Variants in TENM1 observed in about 807,000 individuals in gnomAD.
The protein encoded by TENM1 is teneurin transmembrane protein 1, also known as teneurin-1.
In TENM1, 35 loss-of-function variants were observed where a neutral mutation model predicts 174.8. The ratio of observed to expected loss-of-function variants is 0.20; its 90% CI spans 0.15 to 0.27. TENM1 has a LOEUF of 0.27. Ranked by LOEUF, TENM1 falls within the 10% of genes least tolerant of loss-of-function variation. The pLI is 1.00. For synonymous variants in TENM1, 781 were observed against 798.7 expected (o/e 0.98, Z 0.37); for missense variants, 1,633 against 2,130.1 (o/e 0.77, Z 4.59).
intron 1 of TENM1, among the ~76,000 whole-genome samples, chrX:124,913,212 T>C (rs1257522743): frequency 9.0e-6 from 1 of 111,189 alleles, no homozygotes; most frequent in African/African-American, 3.3e-5. Context: ...ATAAATATTT[T>C]ACAAATATAA....
At chrX:124,652,222 T>G (rs1414467952) in intron 7 of TENM1, 98 bp from the exon 11 acceptor site, 1 of 1,013,529 alleles carries the variant, frequency 9.9e-7, no homozygotes, top group Non-Finnish European at 1.3e-6. Context: ...TTCTTTGCTT[T>G]GAAGTTGAGC....
intron 3 of TENM1, among the ~76,000 whole-genome samples, chrX:124,877,804 G>A (rs2147503356): frequency 9.0e-6 from 1 of 111,485 alleles, no homozygotes; most frequent in East Asian, 2.8e-4. Context: ...ACTACTAGTG[G>A]TCTGCTGTTG....
At chrX:125,196,340 T>G in the TENM1 span, among the ~76,000 whole-genome samples, 1 of 111,633 alleles carries the variant, frequency 9.0e-6, no homozygotes, top group African/African-American at 3.2e-5. Context: ...TGTATTCATG[T>G]GTCTGTAAAT....
At chrX:124,970,618 G>C in the TENM1 span, among the ~76,000 whole-genome samples, 1 of 111,786 alleles carries the variant, frequency 8.9e-6, no homozygotes. Context: ...GAAAATAAAA[G>C]CTATAAAAGT....
chrX:125,033,717 CT>C, the TENM1 span, among the ~76,000 whole-genome samples: 625 of 103,383 alleles, frequency 6.0e-3, 1 homozygote, highest in African/African-American at 0.019. Context: ...TGCAGATTTG[CT>C]TTTTTTTTTT....
intron 11 of TENM1, among the ~76,000 whole-genome samples, chrX:124,599,567 G>C (rs2049982964): frequency 9.0e-6 from 1 of 111,451 alleles, no homozygotes; most frequent in African/African-American, 3.3e-5. Context: ...CAGCAAAAGA[G>C]AGAAGGATTT....
intron 1 of TENM1, among the ~76,000 whole-genome samples, chrX:124,942,036 C>T (rs1268453338): frequency 9.0e-6 from 1 of 111,653 alleles, no homozygotes; most frequent in African/African-American, 3.3e-5. Context: ...TCAATTTTCT[C>T]TCACTGGGTC....
intron 11 of TENM1, among the ~76,000 whole-genome samples, chrX:124,586,504 C>T (rs1237075311): frequency 1.8e-5 from 2 of 111,490 alleles, no homozygotes; most frequent in Non-Finnish European, 3.8e-5. Flanking sequence ...ATGCTAAAAT[C>T]TCTCAATAAA....
the TENM1 span, among the ~76,000 whole-genome samples, chrX:125,148,043 C>T: frequency 9.0e-6 from 1 of 111,050 alleles, no homozygotes; most frequent in South Asian, 3.8e-4. Flanking sequence ...CCTTTTTCTT[C>T]GCATCAGAGG....
At chrX:124,597,560 T>A (rs998649097) in intron 11 of TENM1, among the ~76,000 whole-genome samples, 3 of 110,517 alleles carry the variant, frequency 2.7e-5, no homozygotes, top group African/African-American at 6.6e-5. Context: ...AGATGGGTGA[T>A]AAAAGACTAC....
chrX:124,462,150 G>A (rs925863376), intron 22 of TENM1, among the ~76,000 whole-genome samples: 1 of 110,485 alleles, frequency 9.1e-6, no homozygotes, highest in African/African-American at 3.3e-5. Context: ...GTGGGCAGAA[G>A]TAATGGATGC....
intron 4 of TENM1, among the ~76,000 whole-genome samples, chrX:124,725,895 T>C (rs1407183346): frequency 8.9e-6 from 1 of 112,471 alleles, no homozygotes; most frequent in Non-Finnish European, 1.9e-5. Context: ...ATGGAAATAT[T>C]TGTTATGATT....
the TENM1 span, among the ~76,000 whole-genome samples, chrX:124,996,902 C>G: frequency 0.018 from 1,964 of 111,070 alleles, 8 homozygotes; most frequent in East Asian, 0.067. Context: ...TAGCACTTAG[C>G]CCCAAAGAAA....
At chrX:124,841,325 C>A (rs971590451) in intron 3 of TENM1, among the ~76,000 whole-genome samples, 1 of 111,739 alleles carries the variant, frequency 8.9e-6, no homozygotes, top group African/African-American at 3.2e-5. Flanking sequence ...AATGGATCAG[C>A]AATAGAATTT....
chrX:125,159,598 T>C, the TENM1 span, among the ~76,000 whole-genome samples: 35 of 112,308 alleles, frequency 3.1e-4, no homozygotes, highest in Non-Finnish European at 6.6e-4. Flanking sequence ...GAATCTTTCC[T>C]GAGTCAGTAC....
At chrX:124,704,540 A>G (rs2052850927) in intron 5 of TENM1, among the ~76,000 whole-genome samples, 1 of 111,906 alleles carries the variant, frequency 8.9e-6, no homozygotes, top group Admixed American at 9.5e-5. Context: ...ATAAGAATAC[A>G]TTTTTTGGTC....
At chrX:124,543,618 C>G (rs1238981393) in intron 15 of TENM1, among the ~76,000 whole-genome samples, 1 of 112,185 alleles carries the variant, frequency 8.9e-6, no homozygotes, top group Non-Finnish European at 1.9e-5. Context: ...TGCTTCTGTT[C>G]ACCTATTTAC....
chrX:124,461,276 C>A (rs2061169833), intron 22 of TENM1, among the ~76,000 whole-genome samples: 2 of 111,672 alleles, frequency 1.8e-5, no homozygotes, highest in African/African-American at 6.5e-5. Context: ...AAAGGGGAAT[C>A]CTCATATATT....
At chrX:124,990,880 C>T in the TENM1 span, among the ~76,000 whole-genome samples, 28,999 of 110,515 alleles carry the variant, frequency 0.26, 3,811 homozygotes, top group African/African-American at 0.51. Flanking sequence ...ACTCCATGGT[C>T]GGCAACTTTG....
Sources: gnomAD v4.1 joint callset for allele counts (sites outside exome capture counted in the v4.1 genomes callset) on GRCh38, gnomAD v4.1.1 for gene constraint, MANE v1.5 for transcripts, NCBI Gene and HGNC (gene_info 2026-07-23, HGNC 2026-07-21) for gene names.